H2BK1: variants seen among roughly 807,000 people sequenced by gnomAD.
H2BK1 encodes the protein histone H2B type 2-K1.
At chr7:151,207,934 C>T in the H2BK1 span, 1 of 1,262,950 alleles carries the variant, frequency 7.9e-7, no homozygotes, top group South Asian at 1.2e-5. Flanking sequence ...GCTTGGCCAG[C>T]TCCCCAGGCA....
chr7:151,208,616 G>A, the H2BK1 span, among the ~76,000 whole-genome samples: 1 of 152,270 alleles, frequency 6.6e-6, no homozygotes, highest in South Asian at 2.1e-4. Flanking sequence ...TTCCAGAGGC[G>A]GGACTGTAGT....
At chr7:151,207,946 C>G in the H2BK1 span, 21 of 1,303,856 alleles carry the variant, frequency 1.6e-5, no homozygotes, top group South Asian at 2.4e-4. Context: ...CCCCAGGCAG[C>G]AGCAGACGCA....
the H2BK1 span, among the ~76,000 whole-genome samples, chr7:151,208,476 T>C: frequency 6.6e-6 from 1 of 152,358 alleles, no homozygotes; most frequent in East Asian, 1.9e-4. Flanking sequence ...GTATCATACT[T>C]CCTAACACCA....
the H2BK1 span, among the ~76,000 whole-genome samples, chr7:151,209,870 C>T: frequency 6.6e-6 from 1 of 152,234 alleles, no homozygotes; most frequent in Non-Finnish European, 1.5e-5. Context: ...GGCACCTGAT[C>T]ACCTTCAGCC....
At chr7:151,209,421 G>T in the H2BK1 span, among the ~76,000 whole-genome samples, 1 of 152,168 alleles carries the variant, frequency 6.6e-6, no homozygotes. Context: ...AGGGGTAAGA[G>T]TTTCAAGCAG....
the H2BK1 span, chr7:151,207,907 G>T: frequency 9.1e-7 from 1 of 1,103,636 alleles, no homozygotes; most frequent in Non-Finnish European, 1.4e-6. Flanking sequence ...CAGCCTTGGT[G>T]CCCTCAGACA....
chr7:151,208,711 G>C, the H2BK1 span, among the ~76,000 whole-genome samples: 80 of 152,224 alleles, frequency 5.3e-4, no homozygotes, highest in Non-Finnish European at 9.4e-4. Context: ...CGGACCAGGG[G>C]AGGAGTCCTG....
chr7:151,210,390 G>A, the H2BK1 span: 1 of 344,444 alleles, frequency 2.9e-6, no homozygotes, highest in South Asian at 1.5e-4. Context: ...GCCCCACCAG[G>A]TGTGGCTGGG....
chr7:151,210,109 G>T, the H2BK1 span: 3 of 396,714 alleles, frequency 7.6e-6, no homozygotes, highest in East Asian at 1.1e-4. Flanking sequence ...CTAACCTCAA[G>T]GTCCCCACTT....
At chr7:151,209,448 G>A in the H2BK1 span, among the ~76,000 whole-genome samples, 1 of 152,148 alleles carries the variant, frequency 6.6e-6, no homozygotes, top group Non-Finnish European at 1.5e-5. Context: ...GACCCAGGGC[G>A]GGCAACACAT....
At chr7:151,209,854 G>C in the H2BK1 span, among the ~76,000 whole-genome samples, 1 of 152,208 alleles carries the variant, frequency 6.6e-6, no homozygotes, top group Non-Finnish European at 1.5e-5. Context: ...GTATCATAAT[G>C]TGTTTGGCAC....
the H2BK1 span, chr7:151,208,128 C>T: frequency 1.2e-5 from 20 of 1,613,200 alleles, no homozygotes; most frequent in Admixed American, 1.7e-5. Context: ...GGCAGCACCA[C>T]TCGGTTAATG....
At chr7:151,210,412 GGGA>G in the H2BK1 span, 6,100 of 187,666 alleles carry the variant, frequency 0.033, 50 homozygotes, top group Admixed American at 0.12. Flanking sequence ...ACATGCACCT[GGGA>G]GGGGGGGGGG....
chr7:151,210,420 G>T, the H2BK1 span: 4 of 313,726 alleles, frequency 1.3e-5, no homozygotes, highest in Non-Finnish European at 1.8e-5. Context: ...CTGGGAGGGG[G>T]GGGGGGGGCA....
chr7:151,210,217 G>A, the H2BK1 span: 1 of 399,194 alleles, frequency 2.5e-6, no homozygotes, highest in Non-Finnish European at 4.4e-6. Context: ...TATACATGGA[G>A]TAGGACTCCT....
the H2BK1 span, among the ~76,000 whole-genome samples, chr7:151,208,652 G>A: frequency 9.2e-5 from 14 of 152,274 alleles, no homozygotes; most frequent in East Asian, 2.3e-3. Context: ...CATATAACTT[G>A]GTGGAGCACA....
the H2BK1 span, among the ~76,000 whole-genome samples, chr7:151,209,823 T>C: frequency 6.6e-6 from 1 of 152,152 alleles, no homozygotes; most frequent in African/African-American, 2.4e-5. Context: ...TCACTCCTCT[T>C]CTCGGTCACC....
the H2BK1 span, among the ~76,000 whole-genome samples, chr7:151,209,067 C>T: frequency 6.6e-6 from 1 of 151,932 alleles, no homozygotes; most frequent in Admixed American, 6.6e-5. Context: ...TCAGCACACC[C>T]CGTTCTCCTT....
the H2BK1 span, among the ~76,000 whole-genome samples, chr7:151,209,740 A>C: frequency 9.2e-5 from 14 of 152,152 alleles, no homozygotes; most frequent in African/African-American, 3.4e-4. Flanking sequence ...TAAGGTGGAC[A>C]AACCCTAAGC....
Sources: gnomAD v4.1 joint callset for allele counts (sites outside exome capture counted in the v4.1 genomes callset) on GRCh38, gnomAD v4.1.1 for gene constraint, MANE v1.5 for transcripts, NCBI Gene and HGNC (gene_info 2026-07-23, HGNC 2026-07-21) for gene names.